The following CCDC68 variants were observed in gnomAD, a reference collection of about 807,000 sequenced individuals.
CCDC68 encodes the protein coiled-coil domain-containing protein 68.
CCDC68 carries 45 observed loss-of-function variants against 47.1 expected under a neutral mutation model. The ratio of observed to expected loss-of-function variants is 0.96; its 90% confidence interval spans 0.75 to 1.23. The LOEUF (loss-of-function observed/expected upper bound fraction) is 1.23. CCDC68 is among the 50% of genes most tolerant of loss of function. CCDC68 has a pLI of 0.00. For synonymous variants in CCDC68, 131 were observed against 129.5 expected (o/e 1.01, Z -0.08); for missense variants, 353 against 373.6 (o/e 0.94, Z 0.45).
chr18:54,930,599 C>T (rs1483606829), intron 7 of CCDC68, among the ~76,000 whole-genome samples: 1 of 132,896 alleles, frequency 7.5e-6, no homozygotes, highest in Non-Finnish European at 1.6e-5. Flanking sequence ...CCCTTCCTTC[C>T]TTCCTTCCTT....
chr18:54,912,277 A>T (rs929207929), intron 10 of CCDC68, among the ~76,000 whole-genome samples: 1 of 152,226 alleles, frequency 6.6e-6, no homozygotes, highest in African/African-American at 2.4e-5. Context: ...GTAAATTAAG[A>T]TGATGAAAGA....
chr18:54,935,127 T>C (rs1291923463), intron 6 of CCDC68, among the ~76,000 whole-genome samples, 179 bp from the exon 7 acceptor site: 1 of 152,208 alleles, frequency 6.6e-6, no homozygotes, highest in East Asian at 1.9e-4. Context: ...ACAACAACAT[T>C]AAATAGAGAA....
rs1288182878 is a variant in CCDC68, at chr18:54,942,778, G to T, written c.14C>A (p.Thr5Lys). The T allele has an allele frequency of 6.2e-7, 1 of 1,602,096 alleles. No individual in the cohort carries two copies. The highest frequency in any genetic ancestry group is 8.5e-7 in the Non-Finnish European group (1 of 1,170,302). Residue 5 changes from threonine to lysine, a missense_variant, in exon 3 of 12, where the codon ACA (threonine) becomes AAA (lysine). Physicochemically the swap from Thr to Lys is moderately conservative, Grantham distance 78. Transcript: ENST00000591504. ...CCTTGGGGGAATTTCTGTGGTCACT[G>T]TCACTGTTGTCATTGTGAATTCTGG... The part of the protein sequence containing the change: MTTV[T>K]VTTEIPPRDK...
intron 1 of CCDC68, among the ~76,000 whole-genome samples, chr18:54,955,712 G>T (rs546177819): frequency 1.3e-5 from 2 of 151,908 alleles, no homozygotes; most frequent in Non-Finnish European, 2.9e-5. Context: ...GTTCTTTTTT[G>T]TTTGTTTGTT....
At position 54,956,990 on chromosome 18, in the gene CCDC68, G is replaced by T. The variant is rs1245870421; in HGVS notation, c.-103+2346C>A. Among the ~76,000 whole-genome samples the T allele has an allele frequency of 2.0e-5, 3 of 152,058 alleles. No homozygotes were observed. The East Asian group carries it at 5.8e-4, about 29-fold the overall frequency. On this transcript the variant is annotated intron_variant, in intron 1 of 11. Transcript: ENST00000591504. The stretch of plus-strand genomic sequence containing the variant: ...ATAAAGATGCTGTTTTCCTCTGGGG[G>T]TGGGGTGAATGTAACTGTAGTCTTA...
intron 8 of CCDC68, among the ~76,000 whole-genome samples, chr18:54,922,987 C>CA (rs1183607769): frequency 0.026 from 1,035 of 39,866 alleles, 67 homozygotes; most frequent in Middle Eastern, 0.065. Context: ...GACTCCGTCT[C>CA]AAAAAAAAAA....
chr18:54,905,983 T>C (rs1311610624), intron 11 of CCDC68, among the ~76,000 whole-genome samples: 2 of 152,198 alleles, frequency 1.3e-5, no homozygotes, highest in African/African-American at 2.4e-5. Context: ...TGAACATCTG[T>C]CTCACCCCCA....
chr18:54,924,003 C>A (rs1049751638), intron 8 of CCDC68, among the ~76,000 whole-genome samples: 1 of 151,952 alleles, frequency 6.6e-6, no homozygotes, highest in African/African-American at 2.4e-5. Flanking sequence ...CTAGCCCAAT[C>A]TTAATAAAGA....
rs1029576048 is a variant in CCDC68 at position 54,952,075 on chromosome 18, C to T, written c.-102-6598G>A. Among the ~76,000 whole-genome samples the T allele has an allele frequency of 3.9e-5, 6 of 152,208 alleles. No individual in the cohort carries two copies. The South Asian group carries it at 1.2e-3, about 31-fold the overall frequency. ...ACTCACAACTTATTGTGGACATTTGCTTGTAGGACATGATTTGAAAGTGTC... is the reference window on the plus strand; with the variant it reads ...ACTCACAACTTATTGTGGACATTTGTTTGTAGGACATGATTTGAAAGTGTC... On this transcript the variant is annotated intron_variant, in intron 1 of 11. Transcript: ENST00000591504.
intron 3 of CCDC68, among the ~76,000 whole-genome samples, chr18:54,941,940 C>A: frequency 6.6e-6 from 1 of 152,084 alleles, no homozygotes; most frequent in East Asian, 1.9e-4. Context: ...AGATTACAGG[C>A]ACCCACCACC....
At chr18:54,936,724 C>T in intron 6 of CCDC68, 109 bp downstream of exon 6, 1 of 1,366,352 alleles carries the variant, frequency 7.3e-7, no homozygotes, top group Non-Finnish European at 1.0e-6. Flanking sequence ...AGTCTTTTGC[C>T]AAGTCACTTG....
chr18:54,917,838 C>T, intron 10 of CCDC68, 75 bp downstream of exon 10: 5 of 625,072 alleles, frequency 8.0e-6, no homozygotes, highest in Non-Finnish European at 1.3e-5. Context: ...CTCACGTGCA[C>T]AGACACACAC....
chr18:54,951,750 ATGT>A (rs1206463438), intron 1 of CCDC68, among the ~76,000 whole-genome samples: 2 of 152,270 alleles, frequency 1.3e-5, no homozygotes, highest in African/African-American at 2.4e-5. Context: ...GCCTGAACAG[ATGT>A]TGTTGTCCCA....
At chr18:54,907,720 G>T in intron 11 of CCDC68, 66 bp downstream of exon 11, 1 of 851,022 alleles carries the variant, frequency 1.2e-6, no homozygotes. Context: ...TTTCTTGAGT[G>T]GGTTGAATGT....
At chr18:54,939,987 A>G (rs954107726) in intron 4 of CCDC68, among the ~76,000 whole-genome samples, 2 of 151,750 alleles carry the variant, frequency 1.3e-5, no homozygotes, top group African/African-American at 2.4e-5. Context: ...GAGCCCTGAA[A>G]TCTCCTTCTT....
At chr18:54,948,961 A>G (rs138683624) in intron 1 of CCDC68, among the ~76,000 whole-genome samples, 9 of 152,326 alleles carry the variant, frequency 5.9e-5, no homozygotes, top group African/African-American at 1.9e-4. Flanking sequence ...GCAAGAGCAG[A>G]GGCTGGCAGG....
intron 8 of CCDC68, among the ~76,000 whole-genome samples, chr18:54,928,267 G>T (rs2044178527): frequency 6.6e-6 from 1 of 152,110 alleles, no homozygotes; most frequent in South Asian, 2.1e-4. Context: ...GCATACTGAG[G>T]ACTGTGACTG....
intron 1 of CCDC68, among the ~76,000 whole-genome samples, chr18:54,958,326 A>G (rs1015297474): frequency 6.6e-5 from 10 of 152,146 alleles, no homozygotes; most frequent in Non-Finnish European, 1.0e-4. Context: ...TAACAACAGC[A>G]CCAATTGTGT....
intron 5 of CCDC68, 153 bp from the exon 6 acceptor site, chr18:54,937,111 T>C (rs2044363228): frequency 1.3e-5 from 9 of 699,112 alleles, no homozygotes; most frequent in Non-Finnish European, 2.1e-5. Context: ...TGTTATTTGG[T>C]AAGAGGAAAA....
Sources: gnomAD v4.1 joint callset for allele counts (sites outside exome capture counted in the v4.1 genomes callset) on GRCh38, gnomAD v4.1.1 for gene constraint, MANE v1.5 for transcripts, NCBI Gene and HGNC (gene_info 2026-07-23, HGNC 2026-07-21) for gene names.